Variants in PCDHGB5 observed in about 807,000 individuals in gnomAD.
PCDHGB5 encodes the protein protocadherin gamma-B5.
A neutral mutation model predicts 62.9 loss-of-function variants in PCDHGB5; 48 were observed. That is an observed-to-expected ratio of 0.76 (90% CI 0.61 to 0.97). The LOEUF (loss-of-function observed/expected upper bound fraction) is 0.97, where lower values mean the gene tolerates loss of function less well. Ranked by LOEUF, PCDHGB5 falls within the 50% of genes least tolerant of loss-of-function variation. PCDHGB5 has a pLI of 0.00. For synonymous variants in PCDHGB5, 474 were observed against 511.2 expected (o/e 0.93, Z 0.98); for missense variants, 1,118 against 1,198.6 (o/e 0.93, Z 0.99).
chr5:141,504,949 G>A (rs1234166109), intron 2 of PCDHGB5, among the ~76,000 whole-genome samples: 5 of 152,098 alleles, frequency 3.3e-5, no homozygotes, highest in Non-Finnish European at 1.5e-5. Context: ...AATGCACTAT[G>A]TTCAATGCAT....
At chr5:141,445,269 C>A (rs535300313) in intron 1 of PCDHGB5, among the ~76,000 whole-genome samples, 1 of 152,260 alleles carries the variant, frequency 6.6e-6, no homozygotes, top group Non-Finnish European at 1.5e-5. Flanking sequence ...AAGTCGAAAC[C>A]ACTCTGCATA....
chr5:141,502,785 A>G (rs576095718), intron 2 of PCDHGB5, among the ~76,000 whole-genome samples: 2 of 150,900 alleles, frequency 1.3e-5, no homozygotes, highest in East Asian at 3.9e-4. Context: ...AATTACCTGG[A>G]TGATTTCTTC....
rs534845593 is a variant in PCDHGB5, at chr5:141,478,216, G to A, written c.2398-16591G>A. On this transcript the variant is annotated intron_variant, in intron 1 of 3. Coordinates refer to ENST00000617380, the MANE Select transcript of PCDHGB5 (RefSeq NM_018925.3). ...TTTATCTACTTCTTTCTCTAATCCTGGTTTCTGTGGGGTTTGTGGTCACAG... is the reference window on the plus strand; with the variant it reads ...TTTATCTACTTCTTTCTCTAATCCTAGTTTCTGTGGGGTTTGTGGTCACAG... 414 of 1,614,090 alleles carry A rather than the reference G, an allele frequency of 2.6e-4. 9 individuals carry two copies. In the South Asian group the frequency reaches 4.4e-3, roughly 17 times the overall value.
intron 1 of PCDHGB5, chr5:141,409,628 G>A (rs367728235): frequency 1.2e-6 from 2 of 1,613,730 alleles, no homozygotes; most frequent in Non-Finnish European, 1.7e-6. Context: ...GCAAGTGAGC[G>A]CCTCTGACCC....
At chr5:141,480,982 C>T (rs1258067957) in intron 1 of PCDHGB5, among the ~76,000 whole-genome samples, 1 of 152,150 alleles carries the variant, frequency 6.6e-6, no homozygotes, top group African/African-American at 2.4e-5. Context: ...TCAGTGAACC[C>T]AGGATGTGGA....
chr5:141,498,971 G>GGGAAGGAAGGAAGGAAGGAAGGAA (rs201769957), intron 2 of PCDHGB5, among the ~76,000 whole-genome samples: 2 of 110,972 alleles, frequency 1.8e-5, no homozygotes, highest in African/African-American at 3.6e-5. Context: ...GAGGGAGGGA[G>GGGAAGGAAGGAAGGAAGGAAGGAA]GGAAGGAAGG....
Position 141,432,206 on chromosome 5 carries a change from G to T in PCDHGB5, c.2397+31682G>T, listed in dbSNP as rs551220443. ...GACCGCCCACGACCCCGACTGTGAA[G>T]AGAACGCCCAGATCACTTATTCCCT... On this transcript the variant is annotated intron_variant, in intron 1 of 3. Coordinates refer to ENST00000617380, the MANE Select transcript of PCDHGB5 (RefSeq NM_018925.3). The surrounding 1 kb of genome is among the most constrained non-coding windows in gnomAD (Gnocchi z 6.0). 12 of 1,614,214 alleles carry T rather than the reference G, an allele frequency of 7.4e-6. No individual in the cohort carries two copies. The Admixed American group carries it at 8.3e-5, about 11-fold the overall frequency.
intron 1 of PCDHGB5, chr5:141,417,649 C>G (rs1294192479): frequency 1.2e-6 from 1 of 826,168 alleles, no homozygotes; most frequent in East Asian, 2.8e-5. Flanking sequence ...CCCTCAGCCT[C>G]TAGCCTGGGA....
intron 1 of PCDHGB5, among the ~76,000 whole-genome samples, chr5:141,443,577 G>A (rs567410923): frequency 1.3e-5 from 2 of 152,284 alleles, no homozygotes; most frequent in South Asian, 4.1e-4. Context: ...ATGGACTTGA[G>A]CTAAAACAGA....
In PCDHGB5 at chr5:141,489,782, A is replaced by C. The variant is rs770399288; in HGVS notation, c.2398-5025A>C. On this transcript the variant is annotated intron_variant, in intron 1 of 3. Coordinates refer to ENST00000617380, the MANE Select transcript of PCDHGB5 (RefSeq NM_018925.3). The surrounding 1 kb of genome is among the most constrained non-coding windows in gnomAD (Gnocchi z 4.5). ...AGCCCCAACAGCCACTTCTCTCTGA[A>C]TGTGAAGACCCTAAAAGATGGGAAG... 2 of 1,614,078 alleles carry C rather than the reference A, an allele frequency of 1.2e-6. No homozygotes were observed. The highest frequency in any genetic ancestry group is 2.2e-5 in the East Asian group (1 of 44,894).
chr5:141,402,642 A>C (rs1236156893), intron 1 of PCDHGB5, among the ~76,000 whole-genome samples: 2 of 152,240 alleles, frequency 1.3e-5, no homozygotes, highest in Non-Finnish European at 2.9e-5. Flanking sequence ...TAAAATCATA[A>C]TTAGAAGAGA....
Position 141,399,408 on chromosome 5 carries a change from C to G in PCDHGB5, c.1281C>G (p.Pro427=), listed in dbSNP as rs373563586. Residue 427 remains proline, a synonymous_variant, in exon 1 of 4, where the codon CCC becomes CCG. Coordinates refer to ENST00000617380, the MANE Select transcript of PCDHGB5 (RefSeq NM_018925.3). ...CAGCCACAGACAGGGGCAAGCCGCC[C>G]CTCTCCTCCAGCATAAGCGTCATCC... ...TITATDRGKP[P]LSSSISVILH... is the part of the protein sequence containing the mutation. 20 of 1,613,888 alleles carry G rather than the reference C, an allele frequency of 1.2e-5. No individual in the cohort carries two copies. In the East Asian group the frequency reaches 3.8e-4, roughly 31 times the overall value.
In PCDHGB5 at chr5:141,511,269, C is replaced by A; in HGVS notation, c.*96C>A. The A allele has an allele frequency of 1.3e-6, 2 of 1,546,672 alleles. No homozygotes were observed. Among genetic ancestry groups the A allele is most frequent in the Non-Finnish European group, 1.7e-6 (2 of 1,145,264 alleles). The stretch of plus-strand genomic sequence containing the variant: ...AGGCCTCAGAGTTTCAGGGCTAACC[C>A]CCAGAATACTGGTAGGGGCCAAGGC... On this transcript the variant is annotated 3_prime_UTR_variant, in exon 4 of 4. Transcript: ENST00000617380.
In PCDHGB5 at chr5:141,431,841, C is replaced by T; in HGVS notation, c.2397+31317C>T. The T allele has an allele frequency of 6.2e-7, 1 of 1,614,246 alleles. No homozygotes were observed. Among genetic ancestry groups the T allele is most frequent in the Non-Finnish European group, 8.5e-7 (1 of 1,180,044 alleles). ...GCCAGCTCGGTTCCCGAAAACTCTC[C>T]CAGAGGGACATTAATTGCCCTTTTA... On this transcript the variant is annotated intron_variant, in intron 1 of 3. Coordinates refer to ENST00000617380, the MANE Select transcript of PCDHGB5 (RefSeq NM_018925.3). The surrounding 1 kb of genome is among the most constrained non-coding windows in gnomAD (Gnocchi z 4.8).
chr5:141,414,597 C>T, intron 1 of PCDHGB5: 5 of 1,613,972 alleles, frequency 3.1e-6, no homozygotes, highest in Non-Finnish European at 3.4e-6. Flanking sequence ...GGGGTGCCTC[C>T]ATCTTCTCAG....
chr5:141,441,891 G>A, intron 1 of PCDHGB5: 1 of 348,040 alleles, frequency 2.9e-6, no homozygotes, highest in East Asian at 9.1e-5. Flanking sequence ...TCACCAAGGT[G>A]GTGGCTGTAG....
chr5:141,472,324 G>A (rs1027842697), intron 1 of PCDHGB5, among the ~76,000 whole-genome samples: 2 of 150,650 alleles, frequency 1.3e-5, no homozygotes, highest in African/African-American at 2.4e-5. Flanking sequence ...GGCAGATCAC[G>A]AGGTTGGGAG....
At position 141,404,183 on chromosome 5, in the gene PCDHGB5, G is replaced by A; in HGVS notation, c.2397+3659G>A. The A allele has an allele frequency of 1.2e-6, 2 of 1,613,154 alleles. No individual in the cohort carries two copies. Among genetic ancestry groups the A allele is most frequent in the South Asian group, 1.1e-5 (1 of 90,926 alleles). On this transcript the variant is annotated intron_variant, in intron 1 of 3. Coordinates refer to ENST00000617380, the MANE Select transcript of PCDHGB5 (RefSeq NM_018925.3). Reference sequence around the variant, plus strand: ...CAGATTGTTGACGGCCCAAATTCTTGACCGAGAAAAAGCCTCAGAATATAA... The same window carrying A: ...CAGATTGTTGACGGCCCAAATTCTTAACCGAGAAAAAGCCTCAGAATATAA...
intron 1 of PCDHGB5, among the ~76,000 whole-genome samples, chr5:141,405,944 A>T (rs1435240635): frequency 6.6e-6 from 1 of 152,130 alleles, no homozygotes; most frequent in East Asian, 1.9e-4. Flanking sequence ...TCATGTTCTC[A>T]TAATAATTAA....
Sources: gnomAD v4.1 joint callset for allele counts (sites outside exome capture counted in the v4.1 genomes callset) on GRCh38, gnomAD v4.1.1 for gene constraint, Gnocchi (gnomAD v3.1) non-coding constraint, MANE v1.5 for transcripts, NCBI Gene and HGNC (gene_info 2026-07-23, HGNC 2026-07-21) for gene names.